Variants in DMD observed in about 807,000 individuals in gnomAD.
DMD encodes the protein mutant dystrophin.
A neutral mutation model predicts 330.1 loss-of-function variants in DMD; 63 were observed. The ratio of observed to expected loss-of-function variants is 0.19; its 90% CI spans 0.16 to 0.24. The LOEUF is 0.24. Ranked by LOEUF, DMD falls within the 10% of genes least tolerant of loss-of-function variation. The probability of loss-of-function intolerance (pLI) is 1.00; values close to 1 mark genes in which losing one functional copy is unlikely to be tolerated. For missense variants in DMD, 3,344 were observed against 2,684.1 expected (o/e 1.25, Z -5.43); for synonymous variants, 1,223 against 959.8 (o/e 1.27, Z -5.07).
chrX:31,145,741 CA>C (rs2036607585), intron 76 of DMD, among the ~76,000 whole-genome samples: 1 of 106,572 alleles, frequency 9.4e-6, no homozygotes, highest in Non-Finnish European at 1.9e-5. Flanking sequence ...TGGCTCACTG[CA>C]ACCTCCGCCT....
chrX:31,279,725 T>C (rs913683549), intron 62 of DMD, among the ~76,000 whole-genome samples: 3 of 112,314 alleles, frequency 2.7e-5, no homozygotes, highest in Non-Finnish European at 5.6e-5. Flanking sequence ...TGGCAAACAG[T>C]AGTACAACTG....
At chrX:32,631,021 G>A (rs968298177) in intron 11 of DMD, among the ~76,000 whole-genome samples, 8 of 111,518 alleles carry the variant, frequency 7.2e-5, no homozygotes, top group South Asian at 3.8e-4. Flanking sequence ...TTATTCCTTT[G>A]GTCACTGCAG....
intron 47 of DMD, among the ~76,000 whole-genome samples, chrX:31,919,028 T>C (rs2094650507): frequency 8.9e-6 from 1 of 112,214 alleles, no homozygotes; most frequent in Admixed American, 9.5e-5. Flanking sequence ...TCTTTTCTAT[T>C]AATTTTCCTG....
intron 9 of DMD, among the ~76,000 whole-genome samples, chrX:32,665,987 T>A (rs2061276170): frequency 9.0e-6 from 1 of 111,015 alleles, no homozygotes; most frequent in South Asian, 3.8e-4. Context: ...TATGTAATAG[T>A]CAGAACCTGA....
At chrX:31,356,653 C>T (rs953495100) in intron 60 of DMD, among the ~76,000 whole-genome samples, 5 of 112,252 alleles carry the variant, frequency 4.5e-5, no homozygotes, top group African/African-American at 1.6e-4. Context: ...TTTCACCTCA[C>T]CGATTTCTAA....
intron 17 of DMD, among the ~76,000 whole-genome samples, chrX:32,537,132 G>A (rs1340124258): frequency 1.8e-5 from 2 of 111,626 alleles, no homozygotes; most frequent in Middle Eastern, 4.6e-3. Flanking sequence ...ACAAGTTCAG[G>A]ATGTACCATT....
chrX:32,972,519 A>T (rs755078868), intron 2 of DMD, among the ~76,000 whole-genome samples: 41 of 112,015 alleles, frequency 3.7e-4, no homozygotes, highest in Non-Finnish European at 6.2e-4. Flanking sequence ...ACTGCTCAGG[A>T]GGAAAATAAG....
chrX:32,326,329 C>A (rs951819831), intron 41 of DMD, among the ~76,000 whole-genome samples: 1 of 112,133 alleles, frequency 8.9e-6, no homozygotes, highest in African/African-American at 3.2e-5. Flanking sequence ...TGGAGAATAA[C>A]CTACAAAAAT....
intron 74 of DMD, among the ~76,000 whole-genome samples, chrX:31,168,807 CAA>C (rs2039691103): frequency 8.9e-6 from 1 of 111,837 alleles, no homozygotes; most frequent in South Asian, 3.7e-4. Context: ...TATCCTGACA[CAA>C]TACAGTACCC....
intron 29 of DMD, among the ~76,000 whole-genome samples, chrX:32,418,301 G>GAC (rs2098174177): frequency 9.0e-6 from 1 of 111,272 alleles, no homozygotes; most frequent in Non-Finnish European, 1.9e-5. Context: ...GAGAATGATA[G>GAC]ACATCCAGAT....
Position 32,386,784 on chromosome X carries a change from T to C in DMD, c.4519-319A>G, listed in dbSNP as rs67653684. Reference sequence around the variant, plus strand: ...GAACATAAATGTCAATTCTGAATTTTACATGACTTCTATTTTAAATGTTGG... The same window carrying C: ...GAACATAAATGTCAATTCTGAATTTCACATGACTTCTATTTTAAATGTTGG... On this transcript the variant is annotated intron_variant, in intron 32 of 78. Coordinates refer to ENST00000357033, the MANE Select transcript of DMD (RefSeq NM_004006.3). Among the ~76,000 whole-genome samples, 19,536 of 109,682 alleles carry C rather than the reference T, an allele frequency of 0.18. 1,596 individuals carry two copies. The highest frequency in any genetic ancestry group is 0.32 in the African/African-American group (9,631 of 30,304).
At chrX:33,272,161 G>C (rs2053168858) in intron 1 of DMD, among the ~76,000 whole-genome samples, 1 of 112,473 alleles carries the variant, frequency 8.9e-6, no homozygotes, top group Non-Finnish European at 1.9e-5. Context: ...TGGGATTACA[G>C]GCGTGAGCCT....
chrX:32,771,530 C>CACACACACACACACA, intron 7 of DMD, among the ~76,000 whole-genome samples: 1 of 93,839 alleles, frequency 1.1e-5, no homozygotes, highest in African/African-American at 5.4e-5. Flanking sequence ...ACACACTCTG[C>CACACACACACACACA]CACTACTCCT....
At chrX:32,422,775 T>G (rs2098195399) in intron 29 of DMD, among the ~76,000 whole-genome samples, 1 of 110,738 alleles carries the variant, frequency 9.0e-6, no homozygotes. Context: ...CCATTTATCA[T>G]TTTTTTTAAA....
intron 11 of DMD, among the ~76,000 whole-genome samples, chrX:32,615,313 A>G (rs1602178822): frequency 9.0e-6 from 1 of 111,621 alleles, no homozygotes; most frequent in East Asian, 2.8e-4. Context: ...TTTAAAGTCC[A>G]AAGGCCTAGG....
At chrX:31,232,734 A>C (rs1345137197) in intron 63 of DMD, among the ~76,000 whole-genome samples, 1 of 111,876 alleles carries the variant, frequency 8.9e-6, no homozygotes, top group Non-Finnish European at 1.9e-5. Flanking sequence ...AGAAGGCTGG[A>C]GGCTTAATCT....
At chrX:33,236,835 C>G (rs749605844) in intron 1 of DMD, among the ~76,000 whole-genome samples, 26 of 111,080 alleles carry the variant, frequency 2.3e-4, no homozygotes, top group African/African-American at 8.5e-4. Context: ...GGGGAAGGAC[C>G]GGGTGGTAGT....
In DMD at chrX:32,985,525, G is replaced by GA. The variant is rs955248007; in HGVS notation, c.93+34613dup. Among the ~76,000 whole-genome samples the GA allele has an allele frequency of 4.7e-4, 50 of 107,452 alleles. No individual in the cohort carries two copies. The East Asian group carries it at 8.1e-3, about 17-fold the overall frequency. 93.3% of individuals were successfully genotyped at this position (107,452 alleles called of 115,157 possible). A position where few individuals can be genotyped will look rare whatever the true frequency, so the allele number is the denominator to read the frequency against. On this transcript the variant is annotated intron_variant, in intron 2 of 78. Coordinates refer to ENST00000357033, the MANE Select transcript of DMD (RefSeq NM_004006.3). ...CCATAACACATGCATACATCTGTCA[G>GA]AAAAAAAAAATCATATTTAGAATCC... is the stretch of plus-strand genomic sequence containing the variant.
chrX:32,766,883 A>G (rs1388748068), intron 7 of DMD, among the ~76,000 whole-genome samples: 1 of 111,528 alleles, frequency 9.0e-6, no homozygotes. Context: ...ATATATTTAT[A>G]CAATTATATA....
Sources: allele counts gnomAD v4.1 joint callset (sites outside exome capture counted in the v4.1 genomes callset), GRCh38; gene constraint gnomAD v4.1.1; transcripts MANE v1.5; gene names NCBI Gene and HGNC (gene_info 2026-07-23, HGNC 2026-07-21).